Variants in ABCC11 observed in about 807,000 individuals in gnomAD.
ABCC11 encodes the protein ATP binding cassette subfamily C member 11.
Under a neutral mutation model 149.3 loss-of-function variants are expected in ABCC11, and 135 were observed. That is an observed-to-expected ratio of 0.90 (90% CI 0.79 to 1.04). ABCC11 has a LOEUF of 1.04. Among genes scored for constraint, ABCC11 ranks in the 50% least tolerant of loss-of-function variants. ABCC11 has a pLI of 0.00. For missense variants in ABCC11, 1,680 were observed against 1,722.1 expected (o/e 0.98, Z 0.43); for synonymous variants, 665 against 671.4 (o/e 0.99, Z 0.15).
In ABCC11 at chr16:48,167,137, C is replaced by T. The variant is rs938370245; in HGVS notation, c.*137G>A. The T allele has an allele frequency of 3.9e-6, 2 of 510,056 alleles. No homozygotes were observed. The highest frequency in any genetic ancestry group is 3.7e-5 in the East Asian group (1 of 26,720). The allele number at this position is 510,056 out of a possible 1,614,324, so 31.6% of individuals were successfully genotyped here. A position where few individuals can be genotyped will look rare whatever the true frequency, so the allele number is the denominator to read the frequency against. The stretch of plus-strand genomic sequence containing the variant: ...CAGGGTTTCCATCCAGCAATCCCCA[C>T]CCCCCCTACATTTACCCCTGCTTCC... On this transcript the variant is annotated 3_prime_UTR_variant, in exon 30 of 30. Coordinates refer to ENST00000356608, the MANE Select transcript of ABCC11 (RefSeq NM_001370497.1).
At position 48,214,939 on chromosome 16, in the gene ABCC11, G is replaced by C. The variant is rs1271340802; in HGVS notation, c.1190C>G (p.Ala397Gly). 2 of 1,613,984 alleles carry C rather than the reference G, an allele frequency of 1.2e-6. No homozygotes were observed. Among genetic ancestry groups the C allele is most frequent in the Admixed American group, 1.7e-5 (1 of 59,998 alleles). ...SITLFIIPTV[A>G]TAVWVLIHTS... ...GTGGATGAGAACCCAGACCGCTGTG[G>C]CCACTGTGGGGATGATGAACAAGGT... Residue 397 changes from alanine to glycine, a missense_variant, in exon 9 of 30, where the codon GCC becomes GGC. Transcript: ENST00000356608.
chr16:48,205,397 C>G lies in ABCC11; in HGVS notation c.1805+16G>C. On this transcript the variant is annotated intron_variant, in intron 13 of 29. Coordinates refer to ENST00000356608, the MANE Select transcript of ABCC11 (RefSeq NM_001370497.1). ...CACATGCCCTGTACTCTCCCTTTCCCCTCCCAGGAGCTTACCGGGCCTTGT... is the reference window on the plus strand; with the variant it reads ...CACATGCCCTGTACTCTCCCTTTCCGCTCCCAGGAGCTTACCGGGCCTTGT... 1 of 1,614,100 alleles carries G rather than the reference C, an allele frequency of 6.2e-7. No homozygotes were observed. The highest frequency in any genetic ancestry group is 8.5e-7 in the Non-Finnish European group (1 of 1,179,958).
Position 48,198,050 on chromosome 16 carries a change from T to C in ABCC11, c.2235A>G (p.Thr745=). 1 of 1,614,228 alleles carries C rather than the reference T, an allele frequency of 6.2e-7. No individual in the cohort carries two copies. Among genetic ancestry groups the C allele is most frequent in the African/African-American group, 1.3e-5 (1 of 75,062 alleles). Residue 745 remains threonine, a synonymous_variant, in exon 17 of 30, where the codon ACA becomes ACG. Transcript: ENST00000356608. Reference sequence around the variant, plus strand: ...CCTTTGGCTTCTCTGCTATCTTTGCTGTGTCCTGCAACATGTCCTGGGGAG... The same window carrying C: ...CCTTTGGCTTCTCTGCTATCTTTGCCGTGTCCTGCAACATGTCCTGGGGAG... ...KEATSDMLQD[T]AKIAEKPKVE... is the part of the protein sequence containing the mutation.
chr16:48,220,850 C>T (rs1473199272), intron 6 of ABCC11, among the ~76,000 whole-genome samples: 1 of 152,104 alleles, frequency 6.6e-6, no homozygotes, highest in African/African-American at 2.4e-5. Context: ...AGGTGTTGGG[C>T]CTTTTGAGAG....
rs898095180 is a variant in ABCC11, at chr16:48,167,141, C to T, written c.*133G>A. 1 of 559,308 alleles carries T rather than the reference C, an allele frequency of 1.8e-6. No homozygotes were observed. Among genetic ancestry groups the T allele is most frequent in the South Asian group, 1.7e-5 (1 of 58,106 alleles). 34.6% of individuals were successfully genotyped at this position (559,308 alleles called of 1,614,324 possible). A position where few individuals can be genotyped will look rare whatever the true frequency, so the allele number is the denominator to read the frequency against. ...GTTTCCATCCAGCAATCCCCACCCC[C>T]CCTACATTTACCCCTGCTTCCAGGA... On this transcript the variant is annotated 3_prime_UTR_variant, in exon 30 of 30. Transcript: ENST00000356608.
intron 1 of ABCC11, among the ~76,000 whole-genome samples, chr16:48,242,238 T>A (rs1203167135): frequency 6.6e-6 from 1 of 152,242 alleles, no homozygotes; most frequent in East Asian, 1.9e-4. Context: ...GGGCAAAGGA[T>A]ATGAACAGAC....
At position 48,242,663 on chromosome 16, in the gene ABCC11, T is replaced by G. The variant is rs377407419; in HGVS notation, c.-19+4651A>C. Among the ~76,000 whole-genome samples the G allele has an allele frequency of 2.4e-4, 36 of 152,248 alleles. 1 individual carries two copies. In the South Asian group the frequency reaches 5.0e-3, roughly 21 times the overall value. On this transcript the variant is annotated intron_variant, in intron 1 of 29. Transcript: ENST00000356608. ...AACCAACCCAAATGTCCATCAATGATAGACTGGATTAAGAAAATGTGGCAC... is the reference window on the plus strand; with the variant it reads ...AACCAACCCAAATGTCCATCAATGAGAGACTGGATTAAGAAAATGTGGCAC...
At chr16:48,246,637 C>G (rs991559256) in intron 1 of ABCC11, among the ~76,000 whole-genome samples, 1 of 152,134 alleles carries the variant, frequency 6.6e-6, no homozygotes, top group Non-Finnish European at 1.5e-5. Context: ...GTGGCGTGAT[C>G]GTAGCCCACC....
intron 24 of ABCC11, 120 bp from the exon 25 acceptor site, chr16:48,177,233 G>T: frequency 1.0e-6 from 1 of 991,452 alleles, no homozygotes; most frequent in Non-Finnish European, 1.5e-6. Flanking sequence ...CTTGCGCCAA[G>T]GTCAAGCCCC....
chr16:48,230,689 GA>G (rs1256078932), intron 2 of ABCC11, 116 bp from the exon 3 acceptor site: 31 of 1,200,340 alleles, frequency 2.6e-5, no homozygotes, highest in Non-Finnish European at 3.4e-5. Context: ...GCTTCCTAAA[GA>G]AAGGCTTCCA....
intron 1 of ABCC11, among the ~76,000 whole-genome samples, chr16:48,241,305 T>G (rs577366628): frequency 6.6e-6 from 1 of 152,288 alleles, no homozygotes; most frequent in Non-Finnish European, 1.5e-5. Context: ...AAACAGTAGA[T>G]AAACTCCAAT....
At chr16:48,217,234 T>C (rs1268845766) in intron 6 of ABCC11, among the ~76,000 whole-genome samples, 1 of 152,148 alleles carries the variant, frequency 6.6e-6, no homozygotes, top group African/African-American at 2.4e-5. Flanking sequence ...CTAATAATAA[T>C]ATTAATTAAA....
intron 20 of ABCC11, among the ~76,000 whole-genome samples, chr16:48,190,700 C>T (rs952911325): frequency 6.6e-6 from 1 of 152,200 alleles, no homozygotes; most frequent in Admixed American, 6.5e-5. Context: ...CATATTCCAA[C>T]TTTAACATAT....
chr16:48,233,523 C>T (rs1970535533), intron 1 of ABCC11, among the ~76,000 whole-genome samples: 1 of 152,214 alleles, frequency 6.6e-6, no homozygotes, highest in East Asian at 1.9e-4. Flanking sequence ...GAGAGTGACA[C>T]ACACTCTTTA....
rs200930272 is a variant in ABCC11, at chr16:48,205,554, C to A, written c.1681-17G>T. On this transcript the variant is annotated splice_polypyrimidine_tract_variant and intron_variant, in intron 12 of 29. Coordinates refer to ENST00000356608, the MANE Select transcript of ABCC11 (RefSeq NM_001370497.1). ...CAAGTGCATCTGCGGCAGAATGAGT[C>A]CAGCCTCAGGACCAATTGGGCCAAG... 256 of 1,612,828 alleles carry A rather than the reference C, an allele frequency of 1.6e-4. 2 individuals carry two copies. The East Asian group carries it at 5.6e-3, about 35-fold the overall frequency.
chr16:48,196,240 G>A lies in ABCC11; in HGVS notation c.2396C>T (p.Ala799Val), dbSNP rs1967397143. 6.2e-7 allele frequency: 1 copy of A among 1,613,992 alleles called. No individual in the cohort carries two copies. The highest frequency in any genetic ancestry group is 1.1e-5 in the South Asian group (1 of 91,076). Reference protein sequence around the residue: ...SWRVYHHYIQAAGGYMVSCII... With the variant: ...SWRVYHHYIQVAGGYMVSCII... ...TGGCATGGGGACCGTACCTCCAGCTGCCTGGATGTAGTGGTGGTAGACCCT... is the reference window on the plus strand; with the variant it reads ...TGGCATGGGGACCGTACCTCCAGCTACCTGGATGTAGTGGTGGTAGACCCT... Residue 799 changes from alanine to valine, a missense_variant, in exon 18 of 30, where the codon GCA (alanine) becomes GTA (valine). Transcript: ENST00000356608.
intron 14 of ABCC11, among the ~76,000 whole-genome samples, chr16:48,202,471 C>T (rs1353453489): frequency 6.6e-6 from 1 of 151,964 alleles, no homozygotes; most frequent in African/African-American, 2.4e-5. Context: ...ATTAGCCGGG[C>T]CTGGAGGTGC....
chr16:48,236,622 G>A (rs1970702211), intron 1 of ABCC11, among the ~76,000 whole-genome samples: 1 of 152,150 alleles, frequency 6.6e-6, no homozygotes, highest in Non-Finnish European at 1.5e-5. Flanking sequence ...AGTACATGCA[G>A]AGTCTGTCAA....
intron 26 of ABCC11, among the ~76,000 whole-genome samples, chr16:48,173,920 C>G (rs62058523): frequency 0.1 from 15,865 of 152,172 alleles, 930 homozygotes; most frequent in African/African-American, 0.14. Flanking sequence ...CTACCATGCC[C>G]CACCTCATGA....
Sources: allele counts gnomAD v4.1 joint callset (sites outside exome capture counted in the v4.1 genomes callset), GRCh38; gene constraint gnomAD v4.1.1; transcripts MANE v1.5; gene names NCBI Gene and HGNC (gene_info 2026-07-23, HGNC 2026-07-21).